Variants in KIF6 observed in about 807,000 individuals in gnomAD.
KIF6 encodes kinesin-like protein KIF6.
In KIF6, 106 loss-of-function variants were observed where a neutral mutation model predicts 112.7. That is an observed-to-expected ratio of 0.94 (90% CI 0.80 to 1.11). The LOEUF is 1.11. KIF6 is among the 50% of genes least tolerant of loss of function. The pLI is 0.00. For synonymous variants in KIF6, 339 were observed against 339.9 expected (o/e 1.00, Z 0.03); for missense variants, 929 against 964.0 (o/e 0.96, Z 0.48).
intron 14 of KIF6, among the ~76,000 whole-genome samples, chr6:39,426,052 A>G (rs534823518): frequency 6.6e-6 from 1 of 152,194 alleles, no homozygotes; most frequent in South Asian, 2.1e-4. Flanking sequence ...CTCCCCATTT[A>G]TTTCTTCTTT....
At position 39,540,192 on chromosome 6, in the gene KIF6, T is replaced by G. The variant is rs1256851973; in HGVS notation, c.1456A>C (p.Lys486Gln). The change falls in exon 13 of 23, where the codon AAG becomes CAG. Residue 486 changes from lysine (K) to glutamine (Q), a missense_variant. Coordinates refer to ENST00000287152, the MANE Select transcript of KIF6 (RefSeq NM_145027.6). ...NILVNMLKKE[K>Q]KKAQEALHLA... is the part of the protein sequence containing the mutation. ...TGGAGAGCCTCCTGAGCTTTCTTCTTTTCTTTTTTTAACATGTTGACCAGG... is the reference window on the plus strand; with the variant it reads ...TGGAGAGCCTCCTGAGCTTTCTTCTGTTCTTTTTTTAACATGTTGACCAGG... The G allele has an allele frequency of 6.2e-7, 1 of 1,611,502 alleles. No individual in the cohort carries two copies. The highest frequency in any genetic ancestry group is 2.2e-5 in the East Asian group (1 of 44,878).
chr6:39,567,247 C>G (rs181819518), intron 10 of KIF6, among the ~76,000 whole-genome samples: 5 of 152,158 alleles, frequency 3.3e-5, no homozygotes, highest in Non-Finnish European at 7.4e-5. Flanking sequence ...CATCAATCCT[C>G]GTAAGAGCCT....
chr6:39,703,221 T>C (rs1788984927), intron 3 of KIF6, among the ~76,000 whole-genome samples: 1 of 151,938 alleles, frequency 6.6e-6, no homozygotes, highest in Non-Finnish European at 1.5e-5. Context: ...ACTGATTCAG[T>C]GACATGAACA....
At chr6:39,643,493 A>G (rs1785012606) in intron 3 of KIF6, among the ~76,000 whole-genome samples, 1 of 152,216 alleles carries the variant, frequency 6.6e-6, no homozygotes, top group Non-Finnish European at 1.5e-5. Flanking sequence ...ATAAAATAAA[A>G]TTAAGAATCC....
chr6:39,485,077 A>T (rs1158108332), intron 13 of KIF6, among the ~76,000 whole-genome samples: 1 of 152,178 alleles, frequency 6.6e-6, no homozygotes, highest in Admixed American at 6.5e-5. Flanking sequence ...CATCTTAGTG[A>T]GGTTGCCCAT....
chr6:39,462,766 A>G (rs983544064), intron 13 of KIF6, among the ~76,000 whole-genome samples: 1 of 152,164 alleles, frequency 6.6e-6, no homozygotes, highest in Non-Finnish European at 1.5e-5. Flanking sequence ...GTTTGTATAT[A>G]TGTCATAAAT....
intron 17 of KIF6, among the ~76,000 whole-genome samples, chr6:39,362,193 G>A (rs1159247356): frequency 1.3e-5 from 2 of 152,184 alleles, no homozygotes; most frequent in Non-Finnish European, 2.9e-5. Flanking sequence ...GGTGGCAGCA[G>A]TGGACAAGCC....
intron 3 of KIF6, among the ~76,000 whole-genome samples, chr6:39,684,788 T>G (rs1318281441): frequency 6.7e-6 from 1 of 148,712 alleles, no homozygotes; most frequent in African/African-American, 2.5e-5. Flanking sequence ...AAACTCTGTC[T>G]CGAAAAAAAA....
chr6:39,681,528 T>G (rs1409154132), intron 3 of KIF6, among the ~76,000 whole-genome samples: 1 of 152,162 alleles, frequency 6.6e-6, no homozygotes, highest in Non-Finnish European at 1.5e-5. Context: ...TGCCTTTTAA[T>G]TTTTTTCTCT....
intron 13 of KIF6, among the ~76,000 whole-genome samples, chr6:39,476,691 G>A (rs1774447153): frequency 1.3e-5 from 2 of 152,168 alleles, no homozygotes; most frequent in Admixed American, 1.3e-4. Flanking sequence ...AGAACTCATG[G>A]AAAAGAGGTG....
chr6:39,385,538 A>G (rs72860063), intron 16 of KIF6, 84 bp downstream of exon 16: 38,638 of 1,148,636 alleles, frequency 0.034, 863 homozygotes, highest in Non-Finnish European at 0.038. Flanking sequence ...TAAATGGGTT[A>G]TCTTTTAGCT....
intron 2 of KIF6, chr6:39,715,063 C>T (rs1436470851): frequency 2.1e-5 from 5 of 237,604 alleles, no homozygotes; most frequent in Non-Finnish European, 4.1e-5. Flanking sequence ...TCAAGAGGGA[C>T]AGTGTCTACA....
At chr6:39,487,548 T>C (rs531060841) in intron 13 of KIF6, among the ~76,000 whole-genome samples, 2 of 152,310 alleles carry the variant, frequency 1.3e-5, no homozygotes, top group East Asian at 3.9e-4. Flanking sequence ...GTCTGCTTTC[T>C]CCCTTCCCCC....
At chr6:39,501,116 C>G (rs912021186) in intron 13 of KIF6, among the ~76,000 whole-genome samples, 7 of 152,058 alleles carry the variant, frequency 4.6e-5, no homozygotes, top group African/African-American at 1.7e-4. Flanking sequence ...TACTCGGGAG[C>G]AACACAGAGC....
At chr6:39,509,239 A>G (rs1379994951) in intron 13 of KIF6, among the ~76,000 whole-genome samples, 1 of 152,228 alleles carries the variant, frequency 6.6e-6, no homozygotes, top group Non-Finnish European at 1.5e-5. Flanking sequence ...CCAACATCAA[A>G]GACCAAAGGT....
At chr6:39,687,953 T>C (rs756397572) in intron 3 of KIF6, among the ~76,000 whole-genome samples, 1 of 152,136 alleles carries the variant, frequency 6.6e-6, no homozygotes, top group Non-Finnish European at 1.5e-5. Flanking sequence ...GTGACAAAGA[T>C]GTGTGTGTGT....
At chr6:39,501,867 C>T (rs1420269808) in intron 13 of KIF6, among the ~76,000 whole-genome samples, 1 of 152,028 alleles carries the variant, frequency 6.6e-6, no homozygotes, top group Non-Finnish European at 1.5e-5. Flanking sequence ...GATTGATATA[C>T]CTAAAAGAGA....
At chr6:39,583,015 T>C (rs911719330) in intron 9 of KIF6, among the ~76,000 whole-genome samples, 1 of 152,348 alleles carries the variant, frequency 6.6e-6, no homozygotes, top group East Asian at 1.9e-4. Context: ...CTATTAGCTT[T>C]TGATTCCTGA....
intron 7 of KIF6, among the ~76,000 whole-genome samples, chr6:39,587,514 T>G (rs769237902): frequency 3.3e-5 from 5 of 152,120 alleles, no homozygotes; most frequent in Non-Finnish European, 5.9e-5. Context: ...TCCTGTGATC[T>G]CTCTCTCTCA....
Sources: allele counts gnomAD v4.1 joint callset (sites outside exome capture counted in the v4.1 genomes callset), GRCh38; gene constraint gnomAD v4.1.1; transcripts MANE v1.5; gene names NCBI Gene and HGNC (gene_info 2026-07-23, HGNC 2026-07-21).